Variants in ZNF407 observed in about 807,000 individuals in gnomAD.
The protein encoded by ZNF407 is zinc finger protein 407.
ZNF407 carries 17 observed loss-of-function variants against 131.2 expected under a neutral mutation model. The ratio of observed to expected loss-of-function variants is 0.13; its 90% CI spans 0.09 to 0.19. ZNF407 has a LOEUF of 0.19. ZNF407 is among the 10% of genes least tolerant of loss of function. The probability of loss-of-function intolerance (pLI) is 1.00; values close to 1 mark genes in which losing one functional copy is unlikely to be tolerated. For synonymous variants in ZNF407, 1,156 were observed against 1,062.0 expected (o/e 1.09, Z -1.72); for missense variants, 2,681 against 2,830.6 (o/e 0.95, Z 1.20).
At chr18:75,002,192 T>C (rs1295754303) in intron 8 of ZNF407, among the ~76,000 whole-genome samples, 1 of 152,236 alleles carries the variant, frequency 6.6e-6, no homozygotes, top group Admixed American at 6.5e-5. Flanking sequence ...CTTGCTGATA[T>C]GGGATATTTT....
At chr18:74,821,478 T>A (rs1970339671) in intron 4 of ZNF407, among the ~76,000 whole-genome samples, 1 of 150,860 alleles carries the variant, frequency 6.6e-6, no homozygotes. Context: ...TGTCCATGCG[T>A]TCTCATTGTT....
chr18:74,728,562 A>G (rs576763622), intron 3 of ZNF407, among the ~76,000 whole-genome samples: 26 of 152,238 alleles, frequency 1.7e-4, no homozygotes, highest in African/African-American at 5.8e-4. Context: ...TCTAGTGTTG[A>G]TTGCCAGTGT....
At chr18:74,625,108 A>G (rs1028864452) in intron 1 of ZNF407, among the ~76,000 whole-genome samples, 3 of 152,176 alleles carry the variant, frequency 2.0e-5, no homozygotes, top group Admixed American at 1.3e-4. Context: ...TATTTGTTGA[A>G]TGTTTGTTGT....
chr18:74,723,496 G>A (rs925592238), intron 3 of ZNF407, among the ~76,000 whole-genome samples: 4 of 152,200 alleles, frequency 2.6e-5, no homozygotes, highest in Non-Finnish European at 5.9e-5. Flanking sequence ...GTCTGTAGAA[G>A]TCAGCTGCTT....
At chr18:74,932,966 GCTGTGGA>G (rs1971999600) in intron 8 of ZNF407, among the ~76,000 whole-genome samples, 1 of 152,198 alleles carries the variant, frequency 6.6e-6, no homozygotes, top group African/African-American at 2.4e-5. Context: ...TAGTGCAGCT[GCTGTGGA>G]AGCGGAATGG....
At chr18:74,884,440 T>C (rs1971280386) in intron 6 of ZNF407, among the ~76,000 whole-genome samples, 1 of 152,210 alleles carries the variant, frequency 6.6e-6, no homozygotes, top group African/African-American at 2.4e-5. Context: ...GAATCATCTG[T>C]GGTTGTATAA....
chr18:75,023,045 T>C (rs1484584515), intron 8 of ZNF407, among the ~76,000 whole-genome samples: 1 of 152,102 alleles, frequency 6.6e-6, no homozygotes, highest in Admixed American at 6.5e-5. Context: ...TGGATGGAGC[T>C]GGAAGCCATT....
intron 7 of ZNF407, 91 bp from the exon 8 acceptor site, chr18:74,920,423 C>G: frequency 1.8e-6 from 2 of 1,088,818 alleles, no homozygotes; most frequent in East Asian, 2.6e-5. Flanking sequence ...GTACCAAACA[C>G]ATACAGACAG....
chr18:74,925,046 T>C (rs529932889), intron 8 of ZNF407, among the ~76,000 whole-genome samples: 1 of 152,330 alleles, frequency 6.6e-6, no homozygotes. Context: ...TTTCCAAAGG[T>C]AATGATTACA....
At chr18:74,673,816 A>G (rs921565195) in intron 3 of ZNF407, among the ~76,000 whole-genome samples, 1 of 152,194 alleles carries the variant, frequency 6.6e-6, no homozygotes, top group Non-Finnish European at 1.5e-5. Context: ...CTTTGTATCT[A>G]TGATTCATTG....
intron 1 of ZNF407, among the ~76,000 whole-genome samples, chr18:74,608,255 T>C (rs1380837438): frequency 1.3e-5 from 2 of 152,212 alleles, no homozygotes; most frequent in African/African-American, 4.8e-5. Context: ...GTTCCATTGA[T>C]ATCCTTTTTT....
chr18:74,634,370 T>A lies in ZNF407; in HGVS notation c.3351T>A (p.Asp1117Glu), dbSNP rs370333966. The change falls in exon 2 of 9, where the codon GAT becomes GAA. Residue 1117 changes from aspartate (D) to glutamate (E), a missense_variant. Physicochemically the swap from Asp to Glu is conservative, Grantham distance 45. Transcript: ENST00000299687. ...EFQIISGQPSDTLKSRNAADC... is the reference protein window; with the variant it reads ...EFQIISGQPSETLKSRNAADC... ...AAATAATTTCAGGTCAACCATCTGA[T>A]ACTCTTAAATCTAGAAATGCTGCAG... The A allele has an allele frequency of 1.2e-6, 2 of 1,613,742 alleles. No individual in the cohort carries two copies. Among genetic ancestry groups the A allele is most frequent in the African/African-American group, 2.7e-5 (2 of 74,926 alleles).
intron 1 of ZNF407, among the ~76,000 whole-genome samples, chr18:74,625,694 C>T (rs1008301853): frequency 6.6e-6 from 1 of 152,224 alleles, no homozygotes; most frequent in African/African-American, 2.4e-5. Flanking sequence ...TATCACATAA[C>T]TTCACCATGC....
chr18:74,654,588 T>C (rs1985367576), intron 3 of ZNF407, among the ~76,000 whole-genome samples: 1 of 151,792 alleles, frequency 6.6e-6, no homozygotes, highest in African/African-American at 2.4e-5. Context: ...AAAAGTAGGA[T>C]AAGAGACCAA....
chr18:74,697,114 G>A (rs1389685172), intron 3 of ZNF407, among the ~76,000 whole-genome samples: 1 of 152,128 alleles, frequency 6.6e-6, no homozygotes, highest in Non-Finnish European at 1.5e-5. Flanking sequence ...AGCACTTACT[G>A]TAATAATAAC....
intron 8 of ZNF407, among the ~76,000 whole-genome samples, chr18:74,923,230 AT>A (rs1187270124): frequency 6.6e-6 from 1 of 150,494 alleles, no homozygotes. Flanking sequence ...TGGTTTCTTT[AT>A]TTTTTTTAAC....
intron 8 of ZNF407, among the ~76,000 whole-genome samples, chr18:75,041,260 G>A (rs538485294): frequency 2.6e-5 from 4 of 152,258 alleles, no homozygotes; most frequent in African/African-American, 9.6e-5. Flanking sequence ...TAAAGAAAGG[G>A]TAGCATTATT....
chr18:74,698,236 TTC>T (rs774020774), intron 3 of ZNF407, among the ~76,000 whole-genome samples: 19 of 152,238 alleles, frequency 1.2e-4, no homozygotes, highest in Non-Finnish European at 2.2e-4. Context: ...AACTAAGGAC[TTC>T]TGCAGTTAAG....
chr18:74,620,637 C>T (rs1983474270), intron 1 of ZNF407, among the ~76,000 whole-genome samples: 1 of 152,326 alleles, frequency 6.6e-6, no homozygotes, highest in African/African-American at 2.4e-5. Context: ...AGCCTGTTTG[C>T]CTTCCAGGTA....
Sources: gnomAD v4.1 joint callset for allele counts (sites outside exome capture counted in the v4.1 genomes callset) on GRCh38, gnomAD v4.1.1 for gene constraint, MANE v1.5 for transcripts, NCBI Gene and HGNC (gene_info 2026-07-23, HGNC 2026-07-21) for gene names.